Variants in NRXN1 observed in about 807,000 individuals in gnomAD.
NRXN1 encodes the protein neurexin 1.
Under a neutral mutation model 150.9 loss-of-function variants are expected in NRXN1, and 39 were observed. That is an observed-to-expected ratio of 0.26 (90% CI 0.20 to 0.34). The LOEUF (loss-of-function observed/expected upper bound fraction) is 0.34, where lower values mean the gene tolerates loss of function less well. Among genes scored for constraint, NRXN1 ranks in the 10% least tolerant of loss-of-function variants. The probability of loss-of-function intolerance (pLI) is 1.00; values close to 1 mark genes in which losing one functional copy is unlikely to be tolerated. For synonymous variants in NRXN1, 924 were observed against 757.0 expected, an observed-to-expected ratio of 1.22 and a Z score of -3.62; for missense variants, 1,815 against 1,949.9, an observed-to-expected ratio of 0.93 and a Z score of 1.30.
At chr2:50,809,183 A>G (rs991994716) in intron 5 of NRXN1, among the ~76,000 whole-genome samples, 20 of 152,220 alleles carry the variant, frequency 1.3e-4, no homozygotes, top group African/African-American at 4.6e-4. Flanking sequence ...AAGTTGTTAG[A>G]ATGAGCTAGG....
intron 17 of NRXN1, among the ~76,000 whole-genome samples, chr2:50,362,975 A>C (rs1326031166): frequency 6.6e-6 from 1 of 152,186 alleles, no homozygotes; most frequent in African/African-American, 2.4e-5. Flanking sequence ...AACCTGATGA[A>C]AACAAGCAAT....
chr2:50,536,350 G>A (rs535075258), intron 10 of NRXN1, among the ~76,000 whole-genome samples: 5 of 152,274 alleles, frequency 3.3e-5, no homozygotes, highest in Admixed American at 2.0e-4. Context: ...AGATAAAGAC[G>A]TATGCTGAAT....
At chr2:49,932,038 A>G (rs1196516840) in intron 22 of NRXN1, among the ~76,000 whole-genome samples, 1 of 152,062 alleles carries the variant, frequency 6.6e-6, no homozygotes, top group Non-Finnish European at 1.5e-5. Context: ...CATTATAGCT[A>G]GAGTAATGAG....
At chr2:50,611,083 C>T (rs557490385) in intron 8 of NRXN1, among the ~76,000 whole-genome samples, 2 of 150,716 alleles carry the variant, frequency 1.3e-5, no homozygotes, top group African/African-American at 2.4e-5. Context: ...TAACATAATG[C>T]ACACATGCAA....
intron 2 of NRXN1, among the ~76,000 whole-genome samples, chr2:50,933,035 A>G (rs1452954855): frequency 6.6e-6 from 1 of 152,086 alleles, no homozygotes; most frequent in Non-Finnish European, 1.5e-5. Flanking sequence ...TTCCTCAAGA[A>G]AAAACAAAAC....
In NRXN1 at chr2:50,538,526, C is replaced by T. The variant is rs751084590; in HGVS notation, c.1870G>A (p.Gly624Ser). 3 of 1,599,536 alleles carry T rather than the reference C, an allele frequency of 1.9e-6. No homozygotes were observed. The highest frequency in any genetic ancestry group is 2.6e-6 in the Non-Finnish European group (3 of 1,171,048). ...CACACCTCGGTGGGGAAGACAAGGC[C>T]AGCTTTATTTTCTGGCAGCCCCCCC... ...YLGGLPENKA[G>S]LVFPTEVWTA... is the part of the protein sequence containing the mutation. The change falls in exon 10 of 23, where the codon GGC (glycine) becomes AGC (serine). Residue 624 changes from glycine (G) to serine (S), a missense_variant. Gly to Ser is a moderately conservative substitution (Grantham distance 56, BLOSUM62 0). This residue lies in a region of NRXN1 where 638 missense variants were observed against 652.6 expected (regional missense o/e 0.98). Coordinates refer to ENST00000401669, the MANE Select transcript of NRXN1 (RefSeq NM_001330078.2).
At position 50,405,462 on chromosome 2, in the gene NRXN1, C is replaced by T. The variant is rs146262913; in HGVS notation, c.3364+59980G>A. Among the ~76,000 whole-genome samples, 146 of 152,142 alleles carry T rather than the reference C, an allele frequency of 9.6e-4. 6 individuals carry two copies. In the East Asian group the frequency reaches 0.025, roughly 26 times the overall value. On this transcript the variant is annotated intron_variant, in intron 17 of 22. Coordinates refer to ENST00000401669, the MANE Select transcript of NRXN1 (RefSeq NM_001330078.2). ...TAAGGGCAATGCAAACTTCCAGAGA[C>T]ATTAGGATTTGCTTAGCATATAGAA... is the stretch of plus-strand genomic sequence containing the variant.
Position 50,230,745 on chromosome 2 carries a change from T to G in NRXN1, c.3546+6044A>C, listed in dbSNP as rs528109446. Among the ~76,000 whole-genome samples the G allele has an allele frequency of 1.9e-3, 292 of 152,138 alleles. 4 individuals carry two copies. The highest frequency in any genetic ancestry group is 3.4e-3 in the Non-Finnish European group (231 of 67,968). On this transcript the variant is annotated intron_variant, in intron 18 of 22. Coordinates refer to ENST00000401669, the MANE Select transcript of NRXN1 (RefSeq NM_001330078.2). Reference sequence around the variant, plus strand: ...ATGACACACTAAAGATGATGACCAGTAATTTAGAAGTTGAGAAATTGAATT... The same window carrying G: ...ATGACACACTAAAGATGATGACCAGGAATTTAGAAGTTGAGAAATTGAATT...
chr2:50,137,106 G>A (rs1302424477), intron 18 of NRXN1, among the ~76,000 whole-genome samples: 1 of 151,574 alleles, frequency 6.6e-6, no homozygotes, highest in Non-Finnish European at 1.5e-5. Flanking sequence ...TTTTTTACTT[G>A]GGGAAGAATG....
At chr2:50,000,199 G>C (rs77711995) in intron 21 of NRXN1, among the ~76,000 whole-genome samples, 158 of 152,250 alleles carry the variant, frequency 1.0e-3, no homozygotes, top group African/African-American at 3.7e-3. Flanking sequence ...GGCTAAAGCA[G>C]GGCAAACACA....
chr2:50,426,601 T>C (rs1238395565), intron 17 of NRXN1, among the ~76,000 whole-genome samples: 1 of 152,204 alleles, frequency 6.6e-6, no homozygotes, highest in African/African-American at 2.4e-5. Context: ...TCCAGGACAA[T>C]TTCCACATCT....
At chr2:50,377,148 G>T (rs1469572249) in intron 17 of NRXN1, among the ~76,000 whole-genome samples, 3 of 151,900 alleles carry the variant, frequency 2.0e-5, no homozygotes, top group Admixed American at 2.0e-4. Flanking sequence ...GGTTTGTTAT[G>T]AAGGCAAACA....
At chr2:50,472,913 T>C (rs1023299743) in intron 15 of NRXN1, among the ~76,000 whole-genome samples, 2 of 151,700 alleles carry the variant, frequency 1.3e-5, no homozygotes, top group African/African-American at 2.4e-5. Flanking sequence ...GAGGGTTTCA[T>C]GATGATTAAA....
intron 18 of NRXN1, among the ~76,000 whole-genome samples, chr2:50,142,357 A>G (rs548485049): frequency 6.6e-6 from 1 of 152,010 alleles, no homozygotes; most frequent in South Asian, 2.1e-4. Context: ...GGGTATAAAC[A>G]TACAGTTAGA....
At chr2:50,472,169 G>A in intron 16 of NRXN1, 129 bp downstream of exon 16, 1 of 670,860 alleles carries the variant, frequency 1.5e-6, no homozygotes, top group Non-Finnish European at 2.2e-6. Flanking sequence ...TTAAAAACTT[G>A]AATAAGGATG....
intron 17 of NRXN1, among the ~76,000 whole-genome samples, chr2:50,317,880 T>C (rs2075737450): frequency 1.3e-5 from 2 of 152,056 alleles, no homozygotes; most frequent in Non-Finnish European, 2.9e-5. Flanking sequence ...TAACATTAGA[T>C]GTTGTAACCT....
intron 5 of NRXN1, among the ~76,000 whole-genome samples, chr2:50,727,489 A>G (rs960342765): frequency 2.6e-5 from 4 of 152,054 alleles, no homozygotes; most frequent in Non-Finnish European, 5.9e-5. Flanking sequence ...GCTAAAAACA[A>G]ATTTTAAGTT....
intron 17 of NRXN1, among the ~76,000 whole-genome samples, chr2:50,336,835 T>A (rs1308736213): frequency 1.3e-5 from 2 of 152,200 alleles, no homozygotes; most frequent in East Asian, 3.9e-4. Context: ...AGCCTCTCGA[T>A]GCCCTGTGTA....
rs527456828 is a variant in NRXN1, at chr2:50,359,138, C to T, written c.3364+106304G>A. Among the ~76,000 whole-genome samples, 17 of 152,178 alleles carry T rather than the reference C, an allele frequency of 1.1e-4. No individual in the cohort carries two copies. In the South Asian group the frequency reaches 3.5e-3, roughly 32 times the overall value. Reference sequence around the variant, plus strand: ...CAAAGACCAAAGGTAGACAAATCCACAAAGATGAAGAAAAACCAGTGCAAA... The same window carrying T: ...CAAAGACCAAAGGTAGACAAATCCATAAAGATGAAGAAAAACCAGTGCAAA... On this transcript the variant is annotated intron_variant, in intron 17 of 22. Transcript: ENST00000401669.
Sources: allele counts gnomAD v4.1 joint callset (sites outside exome capture counted in the v4.1 genomes callset), GRCh38; gene constraint gnomAD v4.1.1; regional missense constraint gnomAD v4.1.1; transcripts MANE v1.5; gene names NCBI Gene and HGNC (gene_info 2026-07-23, HGNC 2026-07-21).